Variants in SMYD4 observed in about 807,000 individuals in gnomAD.
The protein encoded by SMYD4 is SET and MYND domain containing 4, also known as protein-lysine N-methyltransferase SMYD4.
A neutral mutation model predicts 72.8 loss-of-function variants in SMYD4; 68 were observed. That is an observed-to-expected ratio of 0.93 (90% CI 0.77 to 1.14). The LOEUF (loss-of-function observed/expected upper bound fraction) is 1.14. Ranked by LOEUF, SMYD4 falls within the 50% of genes most tolerant of loss-of-function variation. The pLI is 0.00. For missense variants in SMYD4, 984 were observed against 1,003.7 expected (o/e 0.98, Z 0.27); for synonymous variants, 407 against 388.6 (o/e 1.05, Z -0.56).
chr17:1,813,332 G>A (rs186024511), intron 2 of SMYD4, among the ~76,000 whole-genome samples: 78 of 152,286 alleles, frequency 5.1e-4, no homozygotes, highest in African/African-American at 1.4e-3. Flanking sequence ...TTGAGTGGCT[G>A]ACAGAAGAGA....
At position 1,824,780 on chromosome 17, in the gene SMYD4, T is replaced by C. The variant is rs1052825242; in HGVS notation, c.134+3081A>G. ...GGTTACAGGCACATGCCGCAATGCC[T>C]GGCTAATTTTTTTTTTGCATTTTTA... On this transcript the variant is annotated intron_variant, in intron 2 of 10. Transcript: ENST00000305513. 3.9e-5 allele frequency among the ~76,000 whole-genome samples: 6 copies of C among 151,972 alleles called. No individual in the cohort carries two copies. In the South Asian group the frequency reaches 6.2e-4, roughly 16 times the overall value.
At chr17:1,803,679 A>C (rs1361451667) in intron 4 of SMYD4, among the ~76,000 whole-genome samples, 1 of 151,516 alleles carries the variant, frequency 6.6e-6, no homozygotes, top group African/African-American at 2.4e-5. Flanking sequence ...TTGTATTTTT[A>C]GTAGAGACGG....
At position 1,819,541 on chromosome 17, in the gene SMYD4, G is replaced by GGGCC. The variant is rs548823222; in HGVS notation, c.135-7430_135-7427dup. ...TTCCCTTGTACTTAAATACTCTATA[G>GGGCC]GGCCATACTTTGAGATCATGTGAAG... is the stretch of plus-strand genomic sequence containing the variant. On this transcript the variant is annotated intron_variant, in intron 2 of 10. Transcript: ENST00000305513. Among the ~76,000 whole-genome samples, 30 of 152,124 alleles carry GGGCC rather than the reference G, an allele frequency of 2.0e-4. No homozygotes were observed. In the East Asian group the frequency reaches 4.4e-3, roughly 22 times the overall value.
At position 1,827,864 on chromosome 17, in the gene SMYD4, AGAAGT is replaced by A; in HGVS notation, c.126_130del (p.Leu43SerfsTer3). 2 of 1,598,182 alleles carry A rather than the reference AGAAGT, an allele frequency of 1.3e-6. No individual in the cohort carries two copies. The highest frequency in any genetic ancestry group is 1.7e-6 in the Non-Finnish European group (2 of 1,166,908). ...TGTTAAAGCTTGATTTACTTACTGA[AGAAGT>A]GAAGAGGAGTGAAGAAAGATATCCC... On this transcript the variant is annotated frameshift_variant, in exon 2 of 11. Coordinates refer to ENST00000305513, the MANE Select transcript of SMYD4 (RefSeq NM_052928.3). LOFTEE classifies it high-confidence loss of function.
At chr17:1,805,262 CA>C in intron 3 of SMYD4, among the ~76,000 whole-genome samples, 2 of 151,380 alleles carry the variant, frequency 1.3e-5, no homozygotes, top group African/African-American at 4.8e-5. Flanking sequence ...ACTAAAAATA[CA>C]AAAAAATAGC....
rs199668753 is a variant in SMYD4 at position 1,783,096 on chromosome 17, C to T, written c.2200G>A (p.Gly734Arg). ...RSLYVVEVRH[G>R]PSSVEMGHEL... ...TGGCCCATTTCAACACTGGACGGCC[C>T]GTGGCGAACCTCCACCACGTAGAGA... The change falls in exon 10 of 11, where the codon GGG (glycine) becomes AGG (arginine). Residue 734 changes from glycine (G) to arginine (R), a missense_variant. Coordinates refer to ENST00000305513, the MANE Select transcript of SMYD4 (RefSeq NM_052928.3). 4.6e-5 allele frequency: 75 copies of T among 1,614,172 alleles called. No homozygotes were observed. Among genetic ancestry groups the T allele is most frequent in the Middle Eastern group, 3.3e-4 (2 of 6,062 alleles).
At chr17:1,826,505 AAAAAAAAAAAAAAG>A (rs1419864644) in intron 2 of SMYD4, among the ~76,000 whole-genome samples, 6 of 67,166 alleles carry the variant, frequency 8.9e-5, no homozygotes, top group Non-Finnish European at 1.8e-4. Flanking sequence ...AAAAAAAAAA[AAAAAAAAAAAAAAG>A]AAAAGAAAAG....
chr17:1,814,355 G>C (rs1910478559), intron 2 of SMYD4, among the ~76,000 whole-genome samples: 1 of 152,108 alleles, frequency 6.6e-6, no homozygotes, highest in Non-Finnish European at 1.5e-5. Flanking sequence ...TTACAAGTAA[G>C]TTAAAAATTT....
chr17:1,783,014 T>TC (rs1479485378), intron 10 of SMYD4, 21 bp downstream of exon 10: 3 of 1,611,222 alleles, frequency 1.9e-6, no homozygotes, highest in Non-Finnish European at 2.5e-6. Flanking sequence ...GTGTGCCCTG[T>TC]GAAGTGGGAA....
At chr17:1,821,108 C>T (rs945184953) in intron 2 of SMYD4, among the ~76,000 whole-genome samples, 7 of 152,160 alleles carry the variant, frequency 4.6e-5, no homozygotes, top group South Asian at 2.1e-4. Context: ...GCATCCTTCA[C>T]GGTTCATGTG....
chr17:1,786,659 A>T, intron 7 of SMYD4, 151 bp downstream of exon 7: 1 of 802,022 alleles, frequency 1.2e-6, no homozygotes, highest in East Asian at 2.6e-5. Flanking sequence ...CTGGAGGGGA[A>T]CTAGTGTATG....
chr17:1,788,607 T>C (rs964846548), intron 5 of SMYD4, among the ~76,000 whole-genome samples: 1 of 151,864 alleles, frequency 6.6e-6, no homozygotes, highest in African/African-American at 2.4e-5. Flanking sequence ...TAGCTGGGTG[T>C]GGTGGTACGT....
intron 5 of SMYD4, among the ~76,000 whole-genome samples, chr17:1,798,965 G>A (rs969604807): frequency 1.3e-5 from 2 of 150,714 alleles, no homozygotes; most frequent in South Asian, 2.1e-4. Flanking sequence ...ACTTTTTAAA[G>A]AATTTCAAAA....
At chr17:1,783,824 C>T (rs1039468168) in intron 8 of SMYD4, 3 of 350,120 alleles carry the variant, frequency 8.6e-6, no homozygotes, top group African/African-American at 6.4e-5. Flanking sequence ...AAATAAAAAT[C>T]CCATGATGTC....
intron 2 of SMYD4, 101 bp downstream of exon 2, chr17:1,827,760 C>T (rs1911267820): frequency 7.0e-7 from 1 of 1,423,622 alleles, no homozygotes; most frequent in Non-Finnish European, 9.4e-7. Flanking sequence ...ACAAGCAAGA[C>T]TCAATCTTTA....
In SMYD4 at chr17:1,781,110, G is replaced by T; in HGVS notation, c.*176C>A. On this transcript the variant is annotated 3_prime_UTR_variant, in exon 11 of 11. Coordinates refer to ENST00000305513, the MANE Select transcript of SMYD4 (RefSeq NM_052928.3). Reference sequence around the variant, plus strand: ...AGTTTTTTGTATTTTTAGTAAAGATGGGGTTTCACCATGTTGGCCAGGCTG... The same window carrying T: ...AGTTTTTTGTATTTTTAGTAAAGATTGGGTTTCACCATGTTGGCCAGGCTG... The T allele has an allele frequency of 3.0e-6, 2 of 663,480 alleles. No individual in the cohort carries two copies. Among genetic ancestry groups the T allele is most frequent in the Non-Finnish European group, 2.3e-6 (1 of 426,892 alleles). The allele number at this position is 663,480 out of a possible 1,614,324, so 41.1% of individuals were successfully genotyped here. A position where few individuals can be genotyped will look rare whatever the true frequency, so the allele number is the denominator to read the frequency against.
In SMYD4 at chr17:1,780,596, C is replaced by A. The variant is rs542262441; in HGVS notation, c.*690G>T. The A allele has an allele frequency of 6.6e-6, 1 of 151,776 alleles. No individual in the cohort carries two copies. Among genetic ancestry groups the A allele is most frequent in the East Asian group, 1.9e-4 (1 of 5,142 alleles). The allele number at this position is 151,776 out of a possible 1,614,324, so 9.4% of individuals were successfully genotyped here. ...AGAACCCACACCCGACCCACAGAAC[C>A]CACATCTGGCAGCAGAACCTCTTAA... On this transcript the variant is annotated 3_prime_UTR_variant, in exon 11 of 11. Transcript: ENST00000305513.
rs867731431 is a variant in SMYD4, at chr17:1,785,814, G to A, written c.1884+996C>T. ...ACTAATAGAAAAAGGTGCTAGGTGC[G>A]ATCGTCCTACATTTGACCTTGGGTC... On this transcript the variant is annotated intron_variant, in intron 7 of 10. Coordinates refer to ENST00000305513, the MANE Select transcript of SMYD4 (RefSeq NM_052928.3). Among the ~76,000 whole-genome samples the A allele has an allele frequency of 4.7e-4, 71 of 149,510 alleles. 1 individual carries two copies. The highest frequency in any genetic ancestry group is 1.7e-3 in the African/African-American group (67 of 39,358).
Position 1,801,625 on chromosome 17 carries a change from GAA to G in SMYD4, c.370-603_370-602del, listed in dbSNP as rs551608562. On this transcript the variant is annotated intron_variant, in intron 4 of 10. Coordinates refer to ENST00000305513, the MANE Select transcript of SMYD4 (RefSeq NM_052928.3). ...GCATGGTGACTAACAGGCAGGCTTTGAAAAAAAAAAAAAAAAAAAAAGAGGCA... is the reference window on the plus strand; with the variant it reads ...GCATGGTGACTAACAGGCAGGCTTTGAAAAAAAAAAAAAAAAAAAGAGGCA... Among the ~76,000 whole-genome samples, 644 of 89,964 alleles carry G rather than the reference GAA, an allele frequency of 7.2e-3. 7 individuals are homozygous for G. The highest frequency in any genetic ancestry group is 0.024 in the African/African-American group (555 of 23,216). 59.0% of individuals were successfully genotyped at this position (89,964 alleles called of 152,430 possible).
Sources: gnomAD v4.1 joint callset for allele counts (sites outside exome capture counted in the v4.1 genomes callset) on GRCh38, gnomAD v4.1.1 for gene constraint, MANE v1.5 for transcripts, NCBI Gene and HGNC (gene_info 2026-07-23, HGNC 2026-07-21) for gene names.